ZFHX3: variants seen among roughly 807,000 people sequenced by gnomAD.
The protein encoded by ZFHX3 is zinc finger homeobox protein 3.
ZFHX3 carries 42 observed loss-of-function variants against 279.1 expected under a neutral mutation model. The observed-to-expected ratio is 0.15, with a 90% CI of 0.12 to 0.19. The LOEUF (loss-of-function observed/expected upper bound fraction) is 0.19, where lower values mean the gene tolerates loss of function less well. ZFHX3 is among the 10% of genes least tolerant of loss of function. ZFHX3 has a pLI of 1.00. For synonymous variants in ZFHX3, 2,293 were observed against 1,957.8 expected, an observed-to-expected ratio of 1.17 and a Z score of -4.52; for missense variants, 4,981 against 4,754.0, an observed-to-expected ratio of 1.05 and a Z score of -1.40.
In ZFHX3 at chr16:73,417,970, C is replaced by A. The variant is rs1362398127; in HGVS notation, c.-1291+38033G>T. Among the ~76,000 whole-genome samples the A allele has an allele frequency of 2.8e-5, 3 of 108,174 alleles. No homozygotes were observed. In the East Asian group the frequency reaches 8.7e-4, roughly 31 times the overall value. 71.0% of individuals were successfully genotyped at this position (108,174 alleles called of 152,430 possible). A position where few individuals can be genotyped will look rare whatever the true frequency, so the allele number is the denominator to read the frequency against. ...CGCCACTGCACTCCAGCCTGGGCAA[C>A]AGAGCGAGACTCCATCTCAAAAAAA... On this transcript the variant is annotated intron_variant, in intron 3 of 17. Transcript: ENST00000641206.
At chr16:72,907,171 G>A (rs564511333) in intron 3 of ZFHX3, among the ~76,000 whole-genome samples, 1 of 152,080 alleles carries the variant, frequency 6.6e-6, no homozygotes. Context: ...TATTTTAAAG[G>A]CTTAAGTCTT....
chr16:73,178,239 A>G (rs1967710778), intron 5 of ZFHX3, among the ~76,000 whole-genome samples: 1 of 151,374 alleles, frequency 6.6e-6, no homozygotes, highest in African/African-American at 2.4e-5. Flanking sequence ...CTCAGTTCCA[A>G]CAATTTTCCT....
chr16:72,835,607 G>A (rs1308923552), intron 4 of ZFHX3, among the ~76,000 whole-genome samples: 1 of 152,072 alleles, frequency 6.6e-6, no homozygotes, highest in Non-Finnish European at 1.5e-5. Flanking sequence ...GACGACCACT[G>A]AAGCAGGTGG....
At chr16:72,830,764 C>T (rs762629720) in intron 4 of ZFHX3, among the ~76,000 whole-genome samples, 1 of 152,110 alleles carries the variant, frequency 6.6e-6, no homozygotes, top group Non-Finnish European at 1.5e-5. Flanking sequence ...CCTGGCCCTC[C>T]GAAACATTAT....
At chr16:73,497,301 G>C (rs189201430) in intron 2 of ZFHX3, among the ~76,000 whole-genome samples, 3 of 152,290 alleles carry the variant, frequency 2.0e-5, no homozygotes, top group East Asian at 3.9e-4. Flanking sequence ...CAAAATCACT[G>C]CAACCACCAA....
At chr16:72,864,769 A>G (rs1713171854) in intron 4 of ZFHX3, among the ~76,000 whole-genome samples, 1 of 152,188 alleles carries the variant, frequency 6.6e-6, no homozygotes, top group African/African-American at 2.4e-5. Context: ...TCAGAATCCA[A>G]CCAAGAATGA....
chr16:73,798,285 C>T (rs753526828), intron 1 of ZFHX3, among the ~76,000 whole-genome samples: 3 of 151,366 alleles, frequency 2.0e-5, no homozygotes, highest in East Asian at 1.9e-4. Flanking sequence ...GGTGGGGAGG[C>T]GGAATTCTCT....
chr16:72,989,075 A>T (rs113590617), intron 1 of ZFHX3, among the ~76,000 whole-genome samples: 5,827 of 152,142 alleles, frequency 0.038, 220 homozygotes, highest in African/African-American at 0.1. Context: ...AAGAGAGGCC[A>T]AGGCAAGAGG....
chr16:73,681,142 A>C (rs1225254304), intron 1 of ZFHX3, among the ~76,000 whole-genome samples: 1 of 152,218 alleles, frequency 6.6e-6, no homozygotes, highest in African/African-American at 2.4e-5. Flanking sequence ...GGTGGTCAAA[A>C]ATGACAGAAG....
intron 5 of ZFHX3, among the ~76,000 whole-genome samples, chr16:73,248,686 G>A (rs2013386251): frequency 6.7e-6 from 1 of 148,202 alleles, no homozygotes; most frequent in African/African-American, 2.5e-5. Flanking sequence ...TGTGTGTTGT[G>A]GCTCAATGGA....
chr16:73,668,512 G>A (rs1026499894), intron 2 of ZFHX3, among the ~76,000 whole-genome samples: 1 of 151,894 alleles, frequency 6.6e-6, no homozygotes, highest in Admixed American at 6.6e-5. Context: ...GTGTCTATGT[G>A]TTCTCATTGC....
intron 3 of ZFHX3, among the ~76,000 whole-genome samples, chr16:72,923,079 G>T (rs988971749): frequency 7.2e-5 from 11 of 152,054 alleles, no homozygotes; most frequent in African/African-American, 2.7e-4. Flanking sequence ...AGGTATATGT[G>T]TATCTATGTA....
At chr16:73,713,591 A>G (rs1008384563) in intron 1 of ZFHX3, among the ~76,000 whole-genome samples, 9 of 152,062 alleles carry the variant, frequency 5.9e-5, no homozygotes, top group African/African-American at 2.2e-4. Context: ...ACGGCAGCCA[A>G]ACAGCACTTT....
At chr16:73,759,744 G>A (rs1421342875) in intron 1 of ZFHX3, among the ~76,000 whole-genome samples, 1 of 152,024 alleles carries the variant, frequency 6.6e-6, no homozygotes, top group Admixed American at 6.6e-5. Context: ...AGTATTATGG[G>A]CCCAATTCTA....
chr16:73,609,257 G>T (rs181428511), intron 2 of ZFHX3: 2 of 152,046 alleles, frequency 1.3e-5, no homozygotes, highest in Non-Finnish European at 2.9e-5. Context: ...TTTCTGCATC[G>T]TACAACCAAT....
chr16:72,897,133 G>A (rs2038919353), intron 3 of ZFHX3, among the ~76,000 whole-genome samples: 1 of 152,216 alleles, frequency 6.6e-6, no homozygotes, highest in Non-Finnish European at 1.5e-5. Flanking sequence ...AGGCAGGAGA[G>A]CCTGTCTGTA....
intron 1 of ZFHX3, among the ~76,000 whole-genome samples, chr16:73,833,035 G>A (rs1304725015): frequency 6.6e-6 from 1 of 152,204 alleles, no homozygotes; most frequent in Non-Finnish European, 1.5e-5. Flanking sequence ...ACTTTCAGAA[G>A]TTCTCAAAAA....
At chr16:72,851,172 G>C (rs1197518453) in intron 4 of ZFHX3, among the ~76,000 whole-genome samples, 3 of 152,164 alleles carry the variant, frequency 2.0e-5, no homozygotes, top group Admixed American at 6.5e-5. Context: ...AGACAGGGCA[G>C]GGACCAGAGA....
In ZFHX3 at chr16:73,156,861, G is replaced by A. The variant is rs1267773847; in HGVS notation, c.-1103-13030C>T. Among the ~76,000 whole-genome samples, 4 of 152,018 alleles carry A rather than the reference G, an allele frequency of 2.6e-5. No individual in the cohort carries two copies. In the South Asian group the frequency reaches 6.2e-4, roughly 24 times the overall value. On this transcript the variant is annotated intron_variant, in intron 5 of 17. Transcript: ENST00000641206. ...CCCGAGTAGCTGGGATTACAGGCAC[G>A]TGCCGCCACGCCCAGCTAATTTATA... is the stretch of plus-strand genomic sequence containing the variant.
Sources: allele counts gnomAD v4.1 joint callset (sites outside exome capture counted in the v4.1 genomes callset), GRCh38; gene constraint gnomAD v4.1.1; transcripts MANE v1.5; gene names NCBI Gene and HGNC (gene_info 2026-07-23, HGNC 2026-07-21).